EYS: variants seen among roughly 807,000 people sequenced by gnomAD.
EYS encodes EGF-like photoreceptor maintenance factor.
In EYS, 250 loss-of-function variants were observed where a neutral mutation model predicts 282.1. The observed-to-expected ratio is 0.89, with a 90% CI of 0.80 to 0.98. The LOEUF (loss-of-function observed/expected upper bound fraction) is 0.98. EYS is among the 50% of genes least tolerant of loss of function. The pLI, the probability that EYS is intolerant of heterozygous loss-of-function variation, is 0.00. For missense variants in EYS, 4,016 were observed against 3,709.0 expected (o/e 1.08, Z -2.15); for synonymous variants, 1,355 against 1,282.9 (o/e 1.06, Z -1.20).
chr6:65,219,214 T>C (rs1429749319), intron 12 of EYS, among the ~76,000 whole-genome samples: 3 of 152,196 alleles, frequency 2.0e-5, no homozygotes, highest in African/African-American at 7.2e-5. Context: ...TAAGCACACA[T>C]ACATATATTT....
intron 19 of EYS, among the ~76,000 whole-genome samples, chr6:64,855,940 T>A (rs1766044862): frequency 6.6e-6 from 1 of 152,224 alleles, no homozygotes; most frequent in African/African-American, 2.4e-5. Context: ...TTTCATGGTT[T>A]GATAGCTTAA....
At chr6:64,256,820 A>T (rs1302261999) in intron 30 of EYS, among the ~76,000 whole-genome samples, 1 of 152,072 alleles carries the variant, frequency 6.6e-6, no homozygotes, top group Admixed American at 6.6e-5. Context: ...TTTGATGTAT[A>T]TGCCCACGAG....
At chr6:63,985,898 T>C (rs926204625) in intron 34 of EYS, among the ~76,000 whole-genome samples, 4 of 151,804 alleles carry the variant, frequency 2.6e-5, no homozygotes, top group African/African-American at 4.8e-5. Flanking sequence ...CCAAAAGTAA[T>C]TGCAACAAAA....
intron 30 of EYS, among the ~76,000 whole-genome samples, chr6:64,272,572 C>A (rs555258522): frequency 1.3e-5 from 2 of 152,066 alleles, no homozygotes; most frequent in Non-Finnish European, 1.5e-5. Flanking sequence ...GTTGAAAATT[C>A]TTTTCTTTAA....
chr6:64,110,208 G>A (rs1472476338), intron 31 of EYS, among the ~76,000 whole-genome samples: 2 of 151,822 alleles, frequency 1.3e-5, no homozygotes. Flanking sequence ...GAAATTTAAA[G>A]GCTTTCTTAC....
At chr6:64,152,463 T>C (rs562138833) in intron 31 of EYS, among the ~76,000 whole-genome samples, 44 of 152,302 alleles carry the variant, frequency 2.9e-4, no homozygotes, top group Non-Finnish European at 5.6e-4. Context: ...TTTAGTGCTC[T>C]CAGGCATCAA....
intron 22 of EYS, among the ~76,000 whole-genome samples, chr6:64,786,426 C>T (rs1774022433): frequency 6.6e-6 from 1 of 152,022 alleles, no homozygotes; most frequent in African/African-American, 2.4e-5. Flanking sequence ...ATGTCATTCA[C>T]CTAGCCCACG....
chr6:65,689,763 A>G (rs1769173066), intron 1 of EYS, among the ~76,000 whole-genome samples: 1 of 149,704 alleles, frequency 6.7e-6, no homozygotes, highest in African/African-American at 2.4e-5. Flanking sequence ...ATAGGTATAC[A>G]TGTGCCATGG....
At chr6:64,418,471 G>A (rs546324236) in intron 28 of EYS, among the ~76,000 whole-genome samples, 13 of 152,190 alleles carry the variant, frequency 8.5e-5, no homozygotes, top group South Asian at 4.1e-4. Flanking sequence ...CTGTGTGTTC[G>A]AATGAGAAAA....
chr6:64,970,116 C>T (rs572916599), intron 14 of EYS, among the ~76,000 whole-genome samples: 1 of 151,016 alleles, frequency 6.6e-6, no homozygotes, highest in Admixed American at 6.6e-5. Context: ...AATGTAAAAA[C>T]CTCAAATATG....
intron 30 of EYS, among the ~76,000 whole-genome samples, chr6:64,303,612 A>T (rs932942240): frequency 6.6e-6 from 1 of 151,846 alleles, no homozygotes; most frequent in African/African-American, 2.4e-5. Context: ...GGAGGCCGAG[A>T]CGGGCGGATC....
chr6:64,658,171 C>T (rs1768829627), intron 22 of EYS, among the ~76,000 whole-genome samples: 1 of 152,186 alleles, frequency 6.6e-6, no homozygotes, highest in African/African-American at 2.4e-5. Flanking sequence ...GTGCATTCGT[C>T]ACGTAGTTCT....
intron 29 of EYS, among the ~76,000 whole-genome samples, chr6:64,347,070 C>T (rs1419453958): frequency 6.6e-6 from 1 of 151,284 alleles, no homozygotes; most frequent in Non-Finnish European, 1.5e-5. Flanking sequence ...TCTAATCATT[C>T]ATGTGGGGAC....
In EYS at chr6:64,997,623, T is replaced by A. The variant is rs779315511; in HGVS notation, c.2218A>T (p.Asn740Tyr). ...CEQDIDDCIL[N>Y]ACEHNSTCKD... ...CAGGTAGAATTGTGCTCACAGGCAT[T>A]CAGGATGCAGTCATCAATGTCCTGT... The change falls in exon 14 of 43, where the codon AAT (asparagine) becomes TAT (tyrosine). Residue 740 changes from asparagine (N) to tyrosine (Y), a missense_variant. Asn to Tyr is a moderately radical substitution (Grantham distance 143). Coordinates refer to ENST00000503581, the MANE Select transcript of EYS (RefSeq NM_001142800.2). The A allele has an allele frequency of 1.9e-6, 3 of 1,551,312 alleles. No homozygotes were observed. In the South Asian group the frequency reaches 3.6e-5, roughly 18 times the overall value.
chr6:63,930,336 A>G (rs892043382), intron 35 of EYS, among the ~76,000 whole-genome samples: 1 of 126,846 alleles, frequency 7.9e-6, no homozygotes, highest in African/African-American at 3.0e-5. Flanking sequence ...GTTTACATTC[A>G]GTTTTGTAAC....
intron 34 of EYS, among the ~76,000 whole-genome samples, chr6:63,994,952 T>G (rs1767768962): frequency 6.6e-6 from 1 of 151,868 alleles, no homozygotes; most frequent in African/African-American, 2.4e-5. Context: ...GGAAAATGCT[T>G]CATTAGTTTT....
intron 26 of EYS, among the ~76,000 whole-genome samples, chr6:64,583,850 G>A (rs557873222): frequency 1.2e-3 from 180 of 151,728 alleles, no homozygotes; most frequent in African/African-American, 4.1e-3. Context: ...TCACTAAAAC[G>A]TAAATAATAC....
chr6:65,281,612 G>A (rs1768221940), intron 12 of EYS, among the ~76,000 whole-genome samples: 1 of 152,110 alleles, frequency 6.6e-6, no homozygotes, highest in Non-Finnish European at 1.5e-5. Context: ...TCTTGCATAT[G>A]TCAGTACTTT....
rs564560405 is a variant in EYS, at chr6:65,400,241, C to T, written c.1184+2237G>A. On this transcript the variant is annotated intron_variant, in intron 7 of 42. Coordinates refer to ENST00000503581, the MANE Select transcript of EYS (RefSeq NM_001142800.2). ...CACCACCCAAATACTGGTCAAGTAT[C>T]CTTTTTAAAATATTTGTTTCTTTTT... Among the ~76,000 whole-genome samples, 3 of 152,056 alleles carry T rather than the reference C, an allele frequency of 2.0e-5. No homozygotes were observed. The East Asian group carries it at 5.8e-4, about 29-fold the overall frequency.
Sources: gnomAD v4.1 joint callset for allele counts (sites outside exome capture counted in the v4.1 genomes callset) on GRCh38, gnomAD v4.1.1 for gene constraint, MANE v1.5 for transcripts, NCBI Gene and HGNC (gene_info 2026-07-23, HGNC 2026-07-21) for gene names.